Variants in ANO3 observed in about 807,000 individuals in gnomAD.
The protein encoded by ANO3 is anoctamin 3.
Under a neutral mutation model 144.8 loss-of-function variants are expected in ANO3, and 99 were observed. The ratio of observed to expected loss-of-function variants is 0.68; its 90% CI spans 0.58 to 0.81. The LOEUF (loss-of-function observed/expected upper bound fraction) is 0.81. Among genes scored for constraint, ANO3 ranks in the 30% least tolerant of loss-of-function variants. The pLI is 0.00. For missense variants in ANO3, 905 were observed against 1,202.2 expected, an observed-to-expected ratio of 0.75 and a Z score of 3.66; for synonymous variants, 414 against 392.6, an observed-to-expected ratio of 1.05 and a Z score of -0.64.
chr11:26,641,263 A>G (rs4268466), intron 21 of ANO3, among the ~76,000 whole-genome samples: 57,458 of 152,050 alleles, frequency 0.38, 11,729 homozygotes, highest in South Asian at 0.49. Context: ...ATAGCAGAAT[A>G]TAATAATCAC....
chr11:26,503,866 G>T (rs748978196), intron 4 of ANO3, among the ~76,000 whole-genome samples: 1 of 151,834 alleles, frequency 6.6e-6, no homozygotes, highest in South Asian at 2.1e-4. Context: ...AATATGAAAA[G>T]CATATAGAAT....
At chr11:26,485,466 T>TA (rs1860408786) in intron 4 of ANO3, among the ~76,000 whole-genome samples, 2 of 152,198 alleles carry the variant, frequency 1.3e-5, no homozygotes, top group Admixed American at 1.3e-4. Flanking sequence ...CCATGACTGT[T>TA]AAGATTCCTG....
chr11:26,373,265 C>T (rs146909937), intron 1 of ANO3, among the ~76,000 whole-genome samples: 1 of 152,050 alleles, frequency 6.6e-6, no homozygotes, highest in African/African-American at 2.4e-5. Context: ...AGGGAGGAAC[C>T]CTGTGGGAGG....
At chr11:26,584,996 G>T (rs1851236647) in intron 14 of ANO3, among the ~76,000 whole-genome samples, 2 of 152,256 alleles carry the variant, frequency 1.3e-5, no homozygotes, top group Non-Finnish European at 1.5e-5. Flanking sequence ...ATTGTCTTCA[G>T]CTTTTCTGGA....
In ANO3 at chr11:26,443,808, A is replaced by C; in HGVS notation, c.285A>C (p.Ser95=). ...AAAACGACTCTGTGCTGAGATGTTC[A>C]TTTGCTGACCTCAGCGATTTTTGTT... is the stretch of plus-strand genomic sequence containing the variant. ...ENKNDSVLRC[S]FADLSDFCLA... is the part of the protein sequence containing the mutation. Residue 95 remains serine (S), a synonymous_variant, in exon 3 of 27, where the codon TCA becomes TCC. Coordinates refer to ENST00000256737, the MANE Select transcript of ANO3 (RefSeq NM_031418.4). The C allele has an allele frequency of 6.2e-7, 1 of 1,611,912 alleles. No individual in the cohort carries two copies. Among genetic ancestry groups the C allele is most frequent in the Non-Finnish European group, 8.5e-7 (1 of 1,179,042 alleles).
intron 1 of ANO3, among the ~76,000 whole-genome samples, chr11:26,258,359 C>A (rs968630178): frequency 6.6e-6 from 1 of 152,108 alleles, no homozygotes; most frequent in Non-Finnish European, 1.5e-5. Flanking sequence ...ATTAGTCAAC[C>A]ATTCAACACA....
intron 24 of ANO3, among the ~76,000 whole-genome samples, chr11:26,649,642 T>A (rs1590677651): frequency 6.6e-6 from 1 of 151,430 alleles, no homozygotes; most frequent in Non-Finnish European, 1.5e-5. Context: ...GTGGCTGAGG[T>A]AGGAGAATCG....
rs527553260 is a variant in ANO3 at position 26,226,322 on chromosome 11, G to GA, written c.154+37002dup. On this transcript the variant is annotated intron_variant, in intron 1 of 27. Transcript: ENST00000672621. ...TTTATAGATACCTACACTAAATTCT[G>GA]AAAAAAAAAATAAACTATTACATTA... Among the ~76,000 whole-genome samples, 721 of 146,422 alleles carry GA rather than the reference G, an allele frequency of 4.9e-3. 4 individuals are homozygous for GA. Among genetic ancestry groups the GA allele is most frequent in the Non-Finnish European group, 7.3e-3 (487 of 66,312 alleles).
chr11:26,500,117 A>G lies in ANO3; in HGVS notation c.433-7987A>G, dbSNP rs115623581. Among the ~76,000 whole-genome samples, 502 of 152,140 alleles carry G rather than the reference A, an allele frequency of 3.3e-3. 3 individuals are homozygous for G. Among genetic ancestry groups the G allele is most frequent in the African/African-American group, 0.011 (472 of 41,552 alleles). The stretch of plus-strand genomic sequence containing the variant: ...TTAGTAACATTTTCAAAGTAGACCT[A>G]TGTTGTAGCATGTGTTAACATTTCA... On this transcript the variant is annotated intron_variant, in intron 4 of 26. Transcript: ENST00000256737.
chr11:26,349,128 G>A (rs542937954), intron 1 of ANO3, among the ~76,000 whole-genome samples: 1 of 152,214 alleles, frequency 6.6e-6, no homozygotes, highest in South Asian at 2.1e-4. Context: ...ATTATTTACT[G>A]ATTGACTTAC....
In ANO3 at chr11:26,393,157, G is replaced by A. The variant is rs531022201; in HGVS notation, c.47-48761G>A. On this transcript the variant is annotated intron_variant, in intron 1 of 26. Coordinates refer to ENST00000256737, the MANE Select transcript of ANO3 (RefSeq NM_031418.4). ...ACGTGTCCTTTCAAGATTATTCCAGGCCTCTTTGCTCCTAGCTGTCTTTGG... is the reference window on the plus strand; with the variant it reads ...ACGTGTCCTTTCAAGATTATTCCAGACCTCTTTGCTCCTAGCTGTCTTTGG... Among the ~76,000 whole-genome samples, 4 of 152,190 alleles carry A rather than the reference G, an allele frequency of 2.6e-5. No individual in the cohort carries two copies. The East Asian group carries it at 7.7e-4, about 29-fold the overall frequency.
intron 1 of ANO3, among the ~76,000 whole-genome samples, chr11:26,393,787 T>C (rs925935246): frequency 1.3e-5 from 2 of 152,198 alleles, no homozygotes; most frequent in African/African-American, 2.4e-5. Context: ...GGAGTTGTTA[T>C]TGGCATAAAA....
intron 3 of ANO3, among the ~76,000 whole-genome samples, chr11:26,450,181 A>C (rs951598608): frequency 2.0e-5 from 3 of 152,158 alleles, no homozygotes; most frequent in Admixed American, 6.5e-5. Flanking sequence ...ACTGTGACTT[A>C]TGTTTGCCTT....
intron 9 of ANO3, among the ~76,000 whole-genome samples, chr11:26,537,007 T>TGA (rs754218796): frequency 0.066 from 8,446 of 127,290 alleles, 300 homozygotes; most frequent in Admixed American, 0.11. Flanking sequence ...ATCCTTTAAA[T>TGA]TTTTTTTTTT....
chr11:26,279,943 ATCTTTGGTTCATT>A (rs1853642485), intron 1 of ANO3, among the ~76,000 whole-genome samples: 1 of 152,172 alleles, frequency 6.6e-6, no homozygotes. Flanking sequence ...ATTAGTGTAA[ATCTTTGGTTCATT>A]TCCAGATTTC....
intron 5 of ANO3, among the ~76,000 whole-genome samples, chr11:26,509,093 ATC>A (rs140858393): frequency 0.013 from 1,686 of 132,046 alleles, 25 homozygotes; most frequent in African/African-American, 0.038. Flanking sequence ...ACACACATCT[ATC>A]TCTCTCTCTC....
intron 1 of ANO3, among the ~76,000 whole-genome samples, chr11:26,267,047 G>A (rs1248509136): frequency 2.0e-5 from 3 of 150,756 alleles, no homozygotes; most frequent in Non-Finnish European, 3.0e-5. Context: ...AGCCGAGATC[G>A]CGCCACTGCA....
intron 1 of ANO3, among the ~76,000 whole-genome samples, chr11:26,207,682 T>C (rs1851833931): frequency 1.4e-5 from 2 of 145,604 alleles, no homozygotes; most frequent in Non-Finnish European, 3.1e-5. Flanking sequence ...TAGAGCAAAG[T>C]GGGATTTTTA....
chr11:26,491,360 T>C (rs1268930386), intron 4 of ANO3, among the ~76,000 whole-genome samples: 2 of 152,214 alleles, frequency 1.3e-5, no homozygotes, highest in Admixed American at 6.5e-5. Context: ...CATAAACAGT[T>C]GTAACAGTTA....
Sources: gnomAD v4.1 joint callset for allele counts (sites outside exome capture counted in the v4.1 genomes callset) on GRCh38, gnomAD v4.1.1 for gene constraint, MANE v1.5 for transcripts, NCBI Gene and HGNC (gene_info 2026-07-23, HGNC 2026-07-21) for gene names.